Variants in SGIP1 observed in about 807,000 individuals in gnomAD.
The protein encoded by SGIP1 is SH3-containing GRB2-like protein 3-interacting protein 1.
Under a neutral mutation model 107.5 loss-of-function variants are expected in SGIP1, and 38 were observed. That is an observed-to-expected ratio of 0.35 (90% confidence interval 0.27 to 0.46). SGIP1 has a LOEUF of 0.46. SGIP1 is among the 20% of genes least tolerant of loss of function. The probability of loss-of-function intolerance (pLI) is 1.00; values close to 1 mark genes in which losing one functional copy is unlikely to be tolerated. For missense variants in SGIP1, 929 were observed against 1,019.5 expected (o/e 0.91, Z 1.21); for synonymous variants, 365 against 366.1 (o/e 1.00, Z 0.03).
intron 18 of SGIP1, among the ~76,000 whole-genome samples, chr1:66,701,609 G>A (rs1400067556): frequency 6.6e-6 from 1 of 152,094 alleles, no homozygotes; most frequent in Non-Finnish European, 1.5e-5. Flanking sequence ...AGCTGAACCT[G>A]CAAAATCTTC....
intron 21 of SGIP1, among the ~76,000 whole-genome samples, chr1:66,737,405 G>A (rs2094302855): frequency 6.6e-6 from 1 of 152,084 alleles, no homozygotes; most frequent in Non-Finnish European, 1.5e-5. Context: ...TTAAAGTGTA[G>A]GCAAGGGCTG....
chr1:66,679,723 G>A lies in SGIP1; in HGVS notation c.785G>A (p.Arg262Gln), dbSNP rs539336866. Residue 262 changes from arginine to glutamine, a missense_variant, in exon 14 of 25, where the codon CGA (arginine) becomes CAA (glutamine). By Grantham distance (43) the Arg-to-Gln change is conservative. Coordinates refer to ENST00000371037, the MANE Select transcript of SGIP1 (RefSeq NM_032291.4). ...PPKNVPATPP[R>Q]TGSPLTIGPG... ...AAAAATGTACCAGCTACCCCACCCC[G>A]AACAGGATCCCCCTTAACAATTGGA... The A allele has an allele frequency of 6.9e-6, 11 of 1,604,198 alleles. No individual in the cohort carries two copies. Among genetic ancestry groups the A allele is most frequent in the Non-Finnish European group, 7.6e-6 (9 of 1,177,402 alleles).
chr1:66,749,466 CT>C lies in SGIP1; in HGVS notation c.*6378del. ...GGTTTTTTTTTTGCTGTTTTTTTTT[CT>C]TTTTTTGCTTTGCTTTACTTTGCCA... is the stretch of plus-strand genomic sequence containing the variant. On this transcript the variant is annotated 3_prime_UTR_variant, in exon 25 of 25. Coordinates refer to ENST00000371037, the MANE Select transcript of SGIP1 (RefSeq NM_032291.4). 7.1e-6 allele frequency among the ~76,000 whole-genome samples: 1 copy of C among 140,424 alleles called. No individual in the cohort carries two copies. The highest frequency in any genetic ancestry group is 1.6e-5 in the Non-Finnish European group (1 of 63,976). The allele number at this position is 140,424 out of a possible 152,430, so 92.1% of individuals were successfully genotyped here.
At chr1:66,581,381 G>T (rs969270476) in intron 1 of SGIP1, among the ~76,000 whole-genome samples, 4 of 151,984 alleles carry the variant, frequency 2.6e-5, no homozygotes, top group African/African-American at 4.8e-5. Context: ...GTTAATGAAA[G>T]TATTTATGAT....
chr1:66,619,329 G>A (rs1292156870), intron 1 of SGIP1, among the ~76,000 whole-genome samples: 1 of 152,228 alleles, frequency 6.6e-6, no homozygotes. Context: ...ATTAGAGAAA[G>A]CAATGTGTAG....
At position 66,729,565 on chromosome 1, in the gene SGIP1, T is replaced by C. The variant is rs915665348; in HGVS notation, c.1898+146T>C. On this transcript the variant is annotated intron_variant, in intron 20 of 24. Transcript: ENST00000371037. ...ATTTGTAGATTCAAGCACAGAACTT[T>C]TACCAGCTATCAAAATTTGTTGTGG... The C allele has an allele frequency of 9.8e-6, 11 of 1,118,024 alleles. No homozygotes were observed. The African/African-American group carries it at 1.6e-4, about 16-fold the overall frequency. 69.3% of individuals were successfully genotyped at this position (1,118,024 alleles called of 1,614,324 possible).
At chr1:66,535,452 A>T (rs1404168127) in intron 1 of SGIP1, among the ~76,000 whole-genome samples, 1 of 152,220 alleles carries the variant, frequency 6.6e-6, no homozygotes, top group Non-Finnish European at 1.5e-5. Flanking sequence ...TTAGAAATTT[A>T]CCAAAATGGA....
At chr1:66,644,663 A>C (rs1338411168) in intron 7 of SGIP1, among the ~76,000 whole-genome samples, 1 of 152,188 alleles carries the variant, frequency 6.6e-6, no homozygotes, top group Admixed American at 6.5e-5. Flanking sequence ...TTCTAAATGA[A>C]TTGTAATCAT....
chr1:66,595,289 G>A (rs1413981609), intron 1 of SGIP1, among the ~76,000 whole-genome samples: 3 of 151,782 alleles, frequency 2.0e-5, no homozygotes, highest in Admixed American at 2.0e-4. Context: ...AGTGTCAACT[G>A]GGTTCTCTTC....
chr1:66,686,502 A>C (rs2088316765), intron 15 of SGIP1, among the ~76,000 whole-genome samples: 1 of 152,212 alleles, frequency 6.6e-6, no homozygotes, highest in Non-Finnish European at 1.5e-5. Context: ...ATGCAATTGA[A>C]AATTGAAGAG....
chr1:66,589,528 G>C (rs189646933), intron 1 of SGIP1, among the ~76,000 whole-genome samples: 3 of 151,954 alleles, frequency 2.0e-5, no homozygotes, highest in Non-Finnish European at 4.4e-5. Context: ...TTTCCCAGGG[G>C]CTCTTGAGCT....
chr1:66,549,154 CCTT>C, intron 1 of SGIP1, among the ~76,000 whole-genome samples: 1 of 138,856 alleles, frequency 7.2e-6, no homozygotes, highest in East Asian at 2.0e-4. Flanking sequence ...TTCCTTCCTT[CCTT>C]CCTTCCTTCC....
At chr1:66,545,585 C>T (rs1413385230) in intron 1 of SGIP1, among the ~76,000 whole-genome samples, 1 of 150,812 alleles carries the variant, frequency 6.6e-6, no homozygotes, top group Non-Finnish European at 1.5e-5. Flanking sequence ...AGAAAGTGCA[C>T]TTGTAGCACT....
At chr1:66,634,093 A>AT (rs1558148697) in intron 3 of SGIP1, 1 of 1,607,082 alleles carries the variant, frequency 6.2e-7, no homozygotes. Context: ...GGGAAAAAAA[A>AT]GACCCAGAAG....
chr1:66,722,799 A>G (rs1312968822), intron 19 of SGIP1, among the ~76,000 whole-genome samples: 2 of 152,072 alleles, frequency 1.3e-5, no homozygotes, highest in Non-Finnish European at 2.9e-5. Flanking sequence ...CAGTTTCCCA[A>G]TACACTATGA....
intron 15 of SGIP1, chr1:66,684,244 A>G: frequency 6.5e-7 from 1 of 1,549,754 alleles, no homozygotes; most frequent in South Asian, 1.2e-5. Context: ...GCACTTTTGT[A>G]AGGTTTGGTC....
chr1:66,563,964 T>G (rs1464531196), intron 1 of SGIP1, among the ~76,000 whole-genome samples: 1 of 152,052 alleles, frequency 6.6e-6, no homozygotes, highest in Non-Finnish European at 1.5e-5. Flanking sequence ...AATAGATGTG[T>G]GTCCAGAGAT....
At chr1:66,627,148 A>G (rs576172302) in intron 2 of SGIP1, among the ~76,000 whole-genome samples, 22 of 152,154 alleles carry the variant, frequency 1.4e-4, no homozygotes, top group Non-Finnish European at 2.8e-4. Context: ...ATTATTACTG[A>G]CACAAATTAG....
chr1:66,619,209 G>C (rs1434277468), intron 1 of SGIP1, among the ~76,000 whole-genome samples: 1 of 152,150 alleles, frequency 6.6e-6, no homozygotes, highest in African/African-American at 2.4e-5. Context: ...GGGATGAGAG[G>C]CAGGAGGAGC....
Sources: gnomAD v4.1 joint callset for allele counts (sites outside exome capture counted in the v4.1 genomes callset) on GRCh38, gnomAD v4.1.1 for gene constraint, MANE v1.5 for transcripts, NCBI Gene and HGNC (gene_info 2026-07-23, HGNC 2026-07-21) for gene names.